NBAS: variants seen among roughly 807,000 people sequenced by gnomAD.
NBAS encodes the protein NBAS subunit of NRZ tethering complex.
A neutral mutation model predicts 302.5 loss-of-function variants in NBAS; 219 were observed. The observed-to-expected ratio is 0.72, with a 90% CI of 0.65 to 0.81. NBAS has a LOEUF of 0.81. Among genes scored for constraint, NBAS ranks in the 30% least tolerant of loss-of-function variants. NBAS has a pLI of 0.00. For synonymous variants in NBAS, 1,118 were observed against 1,021.6 expected (o/e 1.09, Z -1.80); for missense variants, 2,932 against 2,841.6 (o/e 1.03, Z -0.72).
rs1666403213 is a variant in NBAS, at chr2:15,211,384, A to G, written c.6432+7389T>C. On this transcript the variant is annotated intron_variant, in intron 48 of 51. Coordinates refer to ENST00000281513, the MANE Select transcript of NBAS (RefSeq NM_015909.4). ...AATTATGTGTAAATTGGATGACAGT[A>G]TCGAAACAATGTAGCTTTGTTATCT... Among the ~76,000 whole-genome samples, 2 of 152,258 alleles carry G rather than the reference A, an allele frequency of 1.3e-5. 1 individual carries two copies. Among genetic ancestry groups the G allele is most frequent in the South Asian group, 4.1e-4 (2 of 4,834 alleles).
At chr2:15,095,416 C>T in the NBAS span, among the ~76,000 whole-genome samples, 1 of 152,130 alleles carries the variant, frequency 6.6e-6, no homozygotes, top group African/African-American at 2.4e-5. Context: ...CAAGTTTCAC[C>T]TTATCGAACC....
intron 35 of NBAS, among the ~76,000 whole-genome samples, chr2:15,346,324 C>T (rs1008340315): frequency 6.6e-6 from 1 of 151,854 alleles, no homozygotes; most frequent in Non-Finnish European, 1.5e-5. Flanking sequence ...AAAAACAACC[C>T]CATCAAAAAG....
At chr2:14,805,910 T>G in the NBAS span, among the ~76,000 whole-genome samples, 15 of 152,286 alleles carry the variant, frequency 9.8e-5, no homozygotes, top group South Asian at 3.1e-3. Flanking sequence ...TCATCTCCAG[T>G]ATAATGCCCT....
chr2:15,331,623 T>C (rs1672355880), intron 35 of NBAS, among the ~76,000 whole-genome samples: 1 of 152,238 alleles, frequency 6.6e-6, no homozygotes, highest in African/African-American at 2.4e-5. Context: ...ATCTATATCA[T>C]GTTATTCATT....
At chr2:14,900,957 G>T in the NBAS span, among the ~76,000 whole-genome samples, 1 of 152,322 alleles carries the variant, frequency 6.6e-6, no homozygotes, top group East Asian at 1.9e-4. Context: ...AATTCCATAT[G>T]GCTACGGGGG....
chr2:15,037,908 C>G, the NBAS span, among the ~76,000 whole-genome samples: 1 of 152,064 alleles, frequency 6.6e-6, no homozygotes, highest in African/African-American at 2.4e-5. Context: ...TGACTTTGCA[C>G]ACAGACATAC....
intron 36 of NBAS, 32 bp from the exon 37 acceptor site, chr2:15,328,344 A>T (rs1672173761): frequency 6.4e-7 from 1 of 1,553,864 alleles, no homozygotes; most frequent in Non-Finnish European, 8.9e-7. Flanking sequence ...AACAATGGAT[A>T]AAAAGAAAGA....
chr2:14,800,737 A>C, the NBAS span, among the ~76,000 whole-genome samples: 1 of 148,352 alleles, frequency 6.7e-6, no homozygotes, highest in African/African-American at 2.5e-5. Context: ...TCCATAGTAC[A>C]TTGTAATTAT....
chr2:15,486,203 A>G (rs741437), intron 12 of NBAS, among the ~76,000 whole-genome samples: 95,260 of 152,060 alleles, frequency 0.63, 30,594 homozygotes, highest in Middle Eastern at 0.68. Context: ...CTCATACAAC[A>G]TCCTTGGTAA....
chr2:15,424,407 A>G lies in NBAS; in HGVS notation c.2485T>C (p.Leu829=). The G allele has an allele frequency of 6.2e-7, 1 of 1,614,130 alleles. No homozygotes were observed. Among genetic ancestry groups the G allele is most frequent in the Non-Finnish European group, 8.5e-7 (1 of 1,179,980 alleles). ...AGCTGGGTCATCCTGAACCTTAGTA[A>G]CTCAGGCTGTGCAGCATACAAGAAT... ...SEFLYAAQPE[L]LRFRMTQLTV... Residue 829 remains leucine (L), a synonymous_variant, in exon 23 of 52, where the codon TTA becomes CTA. Transcript: ENST00000281513.
the NBAS span, among the ~76,000 whole-genome samples, chr2:14,906,582 G>A: frequency 6.6e-6 from 1 of 152,172 alleles, no homozygotes; most frequent in East Asian, 1.9e-4. Flanking sequence ...GCCCTAGAGA[G>A]TTGTGGAATT....
chr2:15,097,924 A>G, the NBAS span, among the ~76,000 whole-genome samples: 143 of 41,748 alleles, frequency 3.4e-3, no homozygotes, highest in South Asian at 6.9e-3. Flanking sequence ...ATTATATATT[A>G]TATATATTAC....
the NBAS span, among the ~76,000 whole-genome samples, chr2:15,082,575 A>G: frequency 6.6e-6 from 1 of 152,104 alleles, no homozygotes; most frequent in East Asian, 1.9e-4. Flanking sequence ...ATGCTCTTAC[A>G]TTCTCTCTCT....
At chr2:14,959,029 G>A in the NBAS span, among the ~76,000 whole-genome samples, 2 of 152,198 alleles carry the variant, frequency 1.3e-5, no homozygotes, top group Non-Finnish European at 2.9e-5. Flanking sequence ...CTTTGAGGAT[G>A]ATGAAGGAAG....
intron 44 of NBAS, among the ~76,000 whole-genome samples, chr2:15,256,309 T>A (rs2148001852): frequency 6.6e-6 from 1 of 152,184 alleles, no homozygotes; most frequent in East Asian, 1.9e-4. Context: ...ATTATTATTA[T>A]TATTTGCAGC....
chr2:14,859,923 C>A, the NBAS span, among the ~76,000 whole-genome samples: 1 of 151,832 alleles, frequency 6.6e-6, no homozygotes, highest in Non-Finnish European at 1.5e-5. Flanking sequence ...AATATATGAA[C>A]GGTCCCCATC....
chr2:15,233,061 A>C (rs1667448466), intron 46 of NBAS, among the ~76,000 whole-genome samples: 1 of 152,160 alleles, frequency 6.6e-6, no homozygotes, highest in Non-Finnish European at 1.5e-5. Flanking sequence ...ATTTTCGATG[A>C]GTTTTTCGAA....
chr2:15,487,203 C>G (rs1680666485), intron 12 of NBAS, among the ~76,000 whole-genome samples: 1 of 152,184 alleles, frequency 6.6e-6, no homozygotes. Flanking sequence ...ACATCAGGCT[C>G]CTCTCAAACG....
In NBAS at chr2:15,366,606, C is replaced by T. The variant is rs750791238; in HGVS notation, c.3791G>A (p.Gly1264Asp). 5.0e-6 allele frequency: 8 copies of T among 1,614,076 alleles called. No homozygotes were observed. Among genetic ancestry groups the T allele is most frequent in the East Asian group, 2.2e-5 (1 of 44,840 alleles). ...TGCAACCCTCAGCAGCTCAGCAAGG[C>T]CCAGAAGCTTGGTGGATTGTTTATA... ...TCYKQSTKLL[G>D]LAELLRVAGE... Residue 1264 changes from glycine to aspartate, a missense_variant, in exon 32 of 52, where the codon GGC (glycine) becomes GAC (aspartate). Transcript: ENST00000281513.
Sources: gnomAD v4.1 joint callset for allele counts (sites outside exome capture counted in the v4.1 genomes callset) on GRCh38, gnomAD v4.1.1 for gene constraint, MANE v1.5 for transcripts, NCBI Gene and HGNC (gene_info 2026-07-23, HGNC 2026-07-21) for gene names.